CDC16: variants seen among roughly 807,000 people sequenced by gnomAD.
The protein encoded by CDC16 is cell division cycle 16.
CDC16 carries 34 observed loss-of-function variants against 87.0 expected under a neutral mutation model. The observed-to-expected ratio is 0.39, with a 90% CI of 0.30 to 0.52. The LOEUF is 0.52. Among genes scored for constraint, CDC16 ranks in the 20% least tolerant of loss-of-function variants. The pLI is 0.74. For missense variants in CDC16, 653 were observed against 751.9 expected, an observed-to-expected ratio of 0.87 and a Z score of 1.54; for synonymous variants, 263 against 260.6, an observed-to-expected ratio of 1.01 and a Z score of -0.09.
chr13:114,239,593 A>G (rs1365861944), intron 5 of CDC16, 103 bp downstream of exon 5: 11 of 1,279,908 alleles, frequency 8.6e-6, no homozygotes, highest in South Asian at 3.2e-5. Flanking sequence ...TATTAAAACA[A>G]TTGTGGTTGC....
At chr13:114,250,088 T>G (rs2082083252) in intron 11 of CDC16, among the ~76,000 whole-genome samples, 1 of 152,148 alleles carries the variant, frequency 6.6e-6, no homozygotes, top group Non-Finnish European at 1.5e-5. Flanking sequence ...CTCAAGAGCC[T>G]GAGGCAGAAG....
At chr13:114,256,461 C>T (rs893363288) in intron 12 of CDC16, among the ~76,000 whole-genome samples, 20 of 152,172 alleles carry the variant, frequency 1.3e-4, no homozygotes, top group African/African-American at 4.3e-4. Context: ...GAAAGATTGT[C>T]TTATTACACT....
intron 11 of CDC16, among the ~76,000 whole-genome samples, chr13:114,249,062 A>G (rs1038420955): frequency 6.6e-6 from 1 of 151,940 alleles, no homozygotes; most frequent in Non-Finnish European, 1.5e-5. Context: ...CATATAATGA[A>G]ATAATTATAC....
chr13:114,238,601 C>T (rs890924807), intron 3 of CDC16, among the ~76,000 whole-genome samples: 1 of 152,274 alleles, frequency 6.6e-6, no homozygotes, highest in African/African-American at 2.4e-5. Context: ...GTTATTCACA[C>T]TCAGTGCTTG....
intron 14 of CDC16, 83 bp from the exon 15 acceptor site, chr13:114,261,804 A>G: frequency 1.1e-6 from 1 of 916,062 alleles, no homozygotes; most frequent in Non-Finnish European, 1.7e-6. Flanking sequence ...CCCAGCTTGC[A>G]AGGCGTGAAA....
intron 15 of CDC16, 112 bp from the exon 16 acceptor site, chr13:114,262,767 T>G (rs1167192481): frequency 6.0e-6 from 6 of 998,126 alleles, no homozygotes; most frequent in Non-Finnish European, 9.4e-6. Flanking sequence ...CAGTCTAGAC[T>G]GCTGTTCTCA....
intron 17 of CDC16, among the ~76,000 whole-genome samples, chr13:114,271,834 C>T (rs2139245619): frequency 6.6e-6 from 1 of 152,270 alleles, no homozygotes; most frequent in African/African-American, 2.4e-5. Flanking sequence ...CCACAGGCCT[C>T]ATACGTATTT....
chr13:114,251,460 A>C (rs553071900), intron 12 of CDC16, among the ~76,000 whole-genome samples: 12 of 152,322 alleles, frequency 7.9e-5, no homozygotes, highest in South Asian at 2.1e-4. Flanking sequence ...AAAGTTAGCT[A>C]CTTGTGTTTA....
intron 3 of CDC16, among the ~76,000 whole-genome samples, chr13:114,237,257 T>C (rs983782992): frequency 6.6e-6 from 1 of 152,126 alleles, no homozygotes; most frequent in African/African-American, 2.4e-5. Flanking sequence ...TTTAGGTGTA[T>C]ATTCCATTTC....
intron 13 of CDC16, 141 bp from the exon 14 acceptor site, chr13:114,259,194 C>A: frequency 1.9e-5 from 9 of 461,578 alleles, no homozygotes; most frequent in Non-Finnish European, 3.0e-5. Context: ...TCATTTGTGA[C>A]TTAACTTTGA....
intron 5 of CDC16, among the ~76,000 whole-genome samples, chr13:114,240,901 T>G (rs1486003835): frequency 6.6e-6 from 1 of 152,244 alleles, no homozygotes; most frequent in Non-Finnish European, 1.5e-5. Flanking sequence ...ATGTGTGATT[T>G]ATTTGCAACG....
intron 5 of CDC16, among the ~76,000 whole-genome samples, chr13:114,240,526 T>A (rs991779144): frequency 1.3e-5 from 2 of 152,112 alleles, no homozygotes; most frequent in African/African-American, 4.8e-5. Flanking sequence ...CTAAATTTTT[T>A]AAAAAATGTT....
intron 17 of CDC16, among the ~76,000 whole-genome samples, chr13:114,268,813 CAAAA>C (rs35715190): frequency 1.3e-5 from 2 of 152,002 alleles, no homozygotes; most frequent in Non-Finnish European, 2.9e-5. Flanking sequence ...AACCCTGTCT[CAAAA>C]AAGTAATAAT....
chr13:114,271,543 C>T (rs1466462789), intron 17 of CDC16, among the ~76,000 whole-genome samples: 1 of 151,828 alleles, frequency 6.6e-6, no homozygotes, highest in Non-Finnish European at 1.5e-5. Flanking sequence ...GGCACTATCT[C>T]GGCTCACTGC....
rs769544340 is a variant in CDC16 at position 114,244,979 on chromosome 13, T to C, written c.847+10T>C. The C allele has an allele frequency of 1.3e-6, 2 of 1,488,736 alleles. No homozygotes were observed. The highest frequency in any genetic ancestry group is 9.2e-7 in the Non-Finnish European group (1 of 1,081,202). 92.2% of individuals were successfully genotyped at this position (1,488,736 alleles called of 1,614,324 possible). ...CTGAATAAAGCCAATGGTAAGACTTTTTTTTAAATTAAAGTAATTCTTAGA... is the reference window on the plus strand; with the variant it reads ...CTGAATAAAGCCAATGGTAAGACTTCTTTTTAAATTAAAGTAATTCTTAGA... On this transcript the variant is annotated intron_variant, in intron 9 of 17. Transcript: ENST00000356221.
At chr13:114,235,602 C>T (rs2081209433) in intron 1 of CDC16, among the ~76,000 whole-genome samples, 1 of 152,228 alleles carries the variant, frequency 6.6e-6, no homozygotes, top group African/African-American at 2.4e-5. Flanking sequence ...TGTCTGTGTT[C>T]TCTGCACTAC....
intron 17 of CDC16, among the ~76,000 whole-genome samples, chr13:114,267,008 T>C (rs1027750021): frequency 2.6e-5 from 4 of 152,018 alleles, no homozygotes; most frequent in Non-Finnish European, 4.4e-5. Context: ...TATTACTGAA[T>C]CTTACAGGGG....
At chr13:114,271,811 A>G (rs2139245347) in intron 17 of CDC16, among the ~76,000 whole-genome samples, 1 of 152,280 alleles carries the variant, frequency 6.6e-6, no homozygotes, top group East Asian at 1.9e-4. Flanking sequence ...GTAACAGCTG[A>G]GGAGAAAGTT....
intron 3 of CDC16, among the ~76,000 whole-genome samples, chr13:114,238,203 T>C (rs1226086847): frequency 6.7e-6 from 1 of 148,720 alleles, no homozygotes; most frequent in Non-Finnish European, 1.5e-5. Context: ...TTATTCACAC[T>C]GAGGGCCTGA....
Sources: allele counts gnomAD v4.1 joint callset (sites outside exome capture counted in the v4.1 genomes callset), GRCh38; gene constraint gnomAD v4.1.1; transcripts MANE v1.5; gene names NCBI Gene and HGNC (gene_info 2026-07-23, HGNC 2026-07-21).